The following GALNT17 variants were observed in gnomAD, a reference collection of about 807,000 sequenced individuals.
GALNT17 encodes the protein UDP-GalNAc:polypeptide N-acetylgalactosaminyltransferase-like 3.
A neutral mutation model predicts 63.7 loss-of-function variants in GALNT17; 29 were observed. The observed-to-expected ratio is 0.46, with a 90% confidence interval of 0.34 to 0.62. The LOEUF (loss-of-function observed/expected upper bound fraction) is 0.62, where lower values mean the gene tolerates loss of function less well. Among genes scored for constraint, GALNT17 ranks in the 20% least tolerant of loss-of-function variants. The pLI, the probability that GALNT17 is intolerant of heterozygous loss-of-function variation, is 0.01. For synonymous variants in GALNT17, 305 were observed against 318.3 expected (o/e 0.96, Z 0.45); for missense variants, 603 against 799.6 (o/e 0.75, Z 2.97).
At chr7:71,431,014 G>A (rs1193716409) in intron 5 of GALNT17, among the ~76,000 whole-genome samples, 1 of 152,044 alleles carries the variant, frequency 6.6e-6, no homozygotes, top group East Asian at 1.9e-4. Flanking sequence ...AAATGTGTGT[G>A]ATAGCACTTC....
At chr7:71,154,880 T>C (rs1402007300) in intron 1 of GALNT17, among the ~76,000 whole-genome samples, 1 of 151,766 alleles carries the variant, frequency 6.6e-6, no homozygotes, top group Non-Finnish European at 1.5e-5. Context: ...CCGGCCACAA[T>C]AGCTAACATT....
At chr7:71,461,940 A>G (rs1233264986) in intron 5 of GALNT17, among the ~76,000 whole-genome samples, 1 of 152,160 alleles carries the variant, frequency 6.6e-6, no homozygotes, top group East Asian at 1.9e-4. Flanking sequence ...CCTCTGGATC[A>G]ATTGAAAACT....
intron 5 of GALNT17, among the ~76,000 whole-genome samples, chr7:71,480,570 G>A (rs1787801480): frequency 6.6e-6 from 1 of 151,858 alleles, no homozygotes; most frequent in South Asian, 2.1e-4. Flanking sequence ...GCAATGGCAC[G>A]ATCTTGGCTC....
At chr7:71,161,801 A>G (rs1788346225) in intron 1 of GALNT17, among the ~76,000 whole-genome samples, 2 of 152,044 alleles carry the variant, frequency 1.3e-5, no homozygotes, top group Non-Finnish European at 2.9e-5. Flanking sequence ...TTGGGCCCTC[A>G]ACTGTTACAT....
chr7:71,572,369 G>A (rs1427968170), intron 6 of GALNT17, among the ~76,000 whole-genome samples: 2 of 151,374 alleles, frequency 1.3e-5, no homozygotes, highest in African/African-American at 2.4e-5. Context: ...AGGTGTGATT[G>A]TGTGAACCTG....
At chr7:71,605,563 C>A (rs139909217) in intron 6 of GALNT17, among the ~76,000 whole-genome samples, 2 of 141,950 alleles carry the variant, frequency 1.4e-5, no homozygotes, top group Non-Finnish European at 3.0e-5. Flanking sequence ...TCCAGCCTGG[C>A]GACAGAGTGA....
Position 71,308,996 on chromosome 7 carries a change from G to A in GALNT17, c.239-26554G>A, listed in dbSNP as rs552766967. On this transcript the variant is annotated intron_variant, in intron 1 of 10. Transcript: ENST00000333538. Reference sequence around the variant, plus strand: ...TGACCTCAGGTGATCTGCCCACCTCGGCCTCCCAAAGTGTTGGGATTACAG... The same window carrying A: ...TGACCTCAGGTGATCTGCCCACCTCAGCCTCCCAAAGTGTTGGGATTACAG... Among the ~76,000 whole-genome samples, 91 of 152,054 alleles carry A rather than the reference G, an allele frequency of 6.0e-4. 1 individual carries two copies. The highest frequency in any genetic ancestry group is 2.0e-3 in the African/African-American group (82 of 41,490).
intron 6 of GALNT17, among the ~76,000 whole-genome samples, chr7:71,595,855 G>A (rs548976550): frequency 6.6e-6 from 1 of 152,202 alleles, no homozygotes; most frequent in Non-Finnish European, 1.5e-5. Flanking sequence ...AGATTGTGGG[G>A]GATGAGATTT....
intron 5 of GALNT17, among the ~76,000 whole-genome samples, chr7:71,431,488 G>A (rs1432648103): frequency 6.6e-6 from 1 of 152,048 alleles, no homozygotes; most frequent in Non-Finnish European, 1.5e-5. Context: ...GGGATTACAG[G>A]TGGGAGCCAC....
intron 5 of GALNT17, among the ~76,000 whole-genome samples, chr7:71,442,854 T>C (rs28624268): frequency 0.14 from 21,912 of 152,178 alleles, 1,666 homozygotes; most frequent in Middle Eastern, 0.21. Flanking sequence ...CTGGCCTGCA[T>C]GGGAGGTCCT....
At chr7:71,669,150 G>A (rs995551953) in intron 7 of GALNT17, among the ~76,000 whole-genome samples, 3 of 152,144 alleles carry the variant, frequency 2.0e-5, no homozygotes, top group African/African-American at 7.2e-5. Flanking sequence ...CTTTATTGCT[G>A]TAGGTTCCTG....
chr7:71,339,101 A>G (rs150654541), intron 2 of GALNT17, among the ~76,000 whole-genome samples: 1,646 of 152,260 alleles, frequency 0.011, 13 homozygotes, highest in South Asian at 0.045. Context: ...TTGTACTTCT[A>G]TAAGAATGAA....
chr7:71,206,881 G>A (rs1302109589), intron 1 of GALNT17, among the ~76,000 whole-genome samples: 1 of 152,078 alleles, frequency 6.6e-6, no homozygotes, highest in Non-Finnish European at 1.5e-5. Context: ...CAAGACGGGC[G>A]GATCACGAGG....
At chr7:71,204,927 G>A (rs1037561367) in intron 1 of GALNT17, among the ~76,000 whole-genome samples, 1 of 151,932 alleles carries the variant, frequency 6.6e-6, no homozygotes, top group African/African-American at 2.4e-5. Context: ...TGTATTTTTA[G>A]TAGAGACGGG....
At chr7:71,523,816 G>A (rs141274809) in intron 5 of GALNT17, among the ~76,000 whole-genome samples, 1 of 150,828 alleles carries the variant, frequency 6.6e-6, no homozygotes, top group Non-Finnish European at 1.5e-5. Context: ...CACATCCTCA[G>A]CCCCCAGATT....
intron 5 of GALNT17, among the ~76,000 whole-genome samples, chr7:71,528,379 A>G (rs1463536560): frequency 6.6e-6 from 1 of 152,152 alleles, no homozygotes; most frequent in Non-Finnish European, 1.5e-5. Context: ...AGAAGACTGC[A>G]TTTGCTCCAC....
intron 1 of GALNT17, among the ~76,000 whole-genome samples, chr7:71,162,623 C>T (rs1000961919): frequency 2.0e-5 from 3 of 152,196 alleles, no homozygotes; most frequent in Non-Finnish European, 4.4e-5. Context: ...GTCAGCCTTG[C>T]ATCCATCCAT....
chr7:71,291,960 G>A (rs959294675), intron 1 of GALNT17, among the ~76,000 whole-genome samples: 1 of 152,110 alleles, frequency 6.6e-6, no homozygotes, highest in African/African-American at 2.4e-5. Flanking sequence ...TTTCAACAGA[G>A]TGGTTGGTTC....
chr7:71,492,817 T>C (rs1490737770), intron 5 of GALNT17, among the ~76,000 whole-genome samples: 1 of 152,178 alleles, frequency 6.6e-6, no homozygotes, highest in Non-Finnish European at 1.5e-5. Context: ...TACATTCTCA[T>C]GGATCCTTGT....
Sources: gnomAD v4.1 joint callset for allele counts (sites outside exome capture counted in the v4.1 genomes callset) on GRCh38, gnomAD v4.1.1 for gene constraint, MANE v1.5 for transcripts, NCBI Gene and HGNC (gene_info 2026-07-23, HGNC 2026-07-21) for gene names.